The following BICRAL variants were observed in gnomAD, a reference collection of about 807,000 sequenced individuals.
BICRAL encodes the protein BICRA like chromatin remodeling complex associated protein.
In BICRAL, 8 loss-of-function variants were observed where a neutral mutation model predicts 91.8. The observed-to-expected ratio is 0.09, with a 90% CI of 0.05 to 0.16. The LOEUF (loss-of-function observed/expected upper bound fraction) is 0.16, where lower values mean the gene tolerates loss of function less well. Among genes scored for constraint, BICRAL ranks in the 10% least tolerant of loss-of-function variants. The pLI, the probability that BICRAL is intolerant of heterozygous loss-of-function variation, is 1.00. For synonymous variants in BICRAL, 445 were observed against 491.1 expected, an observed-to-expected ratio of 0.91 and a Z score of 1.24; for missense variants, 1,038 against 1,310.9, an observed-to-expected ratio of 0.79 and a Z score of 3.21.
chr6:42,848,714 C>T (rs1765093395), intron 6 of BICRAL, among the ~76,000 whole-genome samples: 1 of 152,160 alleles, frequency 6.6e-6, no homozygotes, highest in South Asian at 2.1e-4. Flanking sequence ...CTTGGTGGCA[C>T]ACACCTGTAG....
chr6:42,770,590 A>G (rs1762704107), intron 1 of BICRAL, among the ~76,000 whole-genome samples: 1 of 150,968 alleles, frequency 6.6e-6, no homozygotes, highest in Non-Finnish European at 1.5e-5. Context: ...AATTTTTTGT[A>G]TTTTTAGTAC....
chr6:42,759,002 C>T (rs1389557440), intron 1 of BICRAL, among the ~76,000 whole-genome samples: 1 of 152,212 alleles, frequency 6.6e-6, no homozygotes, highest in African/African-American at 2.4e-5. Flanking sequence ...TGTTCTCAAC[C>T]CTAGCTGCTC....
intron 6 of BICRAL, among the ~76,000 whole-genome samples, chr6:42,850,912 T>A (rs1027031745): frequency 2.0e-5 from 3 of 151,424 alleles, no homozygotes. Flanking sequence ...CTTTATTGGC[T>A]GGGTGTGGTG....
chr6:42,746,733 A>G (rs1170729786), upstream of BICRAL, among the ~76,000 whole-genome samples: 1 of 143,144 alleles, frequency 7.0e-6, no homozygotes, highest in Non-Finnish European at 1.5e-5. Flanking sequence ...CCCCCTATCC[A>G]CTGCAGTTCG....
intron 2 of BICRAL, among the ~76,000 whole-genome samples, chr6:42,812,025 T>C (rs778647932): frequency 6.6e-6 from 1 of 152,044 alleles, no homozygotes; most frequent in African/African-American, 2.4e-5. Context: ...CTCAAAAATA[T>C]CCAACACCTG....
At position 42,793,122 on chromosome 6, in the gene BICRAL, A is replaced by ATTTTT. The variant is rs1159342197; in HGVS notation, c.-102+11056_-102+11060dup. On this transcript the variant is annotated intron_variant, in intron 1 of 12. Coordinates refer to ENST00000314073, the MANE Select transcript of BICRAL (RefSeq NM_001393499.1). Reference sequence around the variant, plus strand: ...AAGCGCATGCCACCATGCCCAGCTAATTTTTTTTTTTTTTTTTTTTTTTTT... The same window carrying ATTTTT: ...AAGCGCATGCCACCATGCCCAGCTAATTTTTTTTTTTTTTTTTTTTTTTTTTTTTT... Among the ~76,000 whole-genome samples the ATTTTT allele has an allele frequency of 2.2e-3, 82 of 37,254 alleles. 28 individuals are homozygous for ATTTTT. Among genetic ancestry groups the ATTTTT allele is most frequent in the Non-Finnish European group, 2.4e-3 (50 of 20,498 alleles). The allele number at this position is 37,254 out of a possible 152,430, so 24.4% of individuals were successfully genotyped here. A position where few individuals can be genotyped will look rare whatever the true frequency, so the allele number is the denominator to read the frequency against.
intron 5 of BICRAL, among the ~76,000 whole-genome samples, chr6:42,826,780 C>T (rs1161509862): frequency 6.6e-6 from 1 of 150,840 alleles, no homozygotes; most frequent in East Asian, 1.9e-4. Context: ...GGTCAATTTC[C>T]TCTTGTTTGT....
rs1373296414 is a variant in BICRAL, at chr6:42,766,629, A to T, written c.-260-15210A>T. Among the ~76,000 whole-genome samples, 5 of 152,096 alleles carry T rather than the reference A, an allele frequency of 3.3e-5. 1 individual carries two copies. The East Asian group carries it at 9.6e-4, about 29-fold the overall frequency. On this transcript the variant is annotated intron_variant, in intron 1 of 14. Coordinates refer to the BICRAL transcript ENST00000614467. Reference sequence around the variant, plus strand: ...CCGAGCGGGTGGATCACTTGAGGTTAGCAGTTTGAGACCAGCCTGGCCAAC... The same window carrying T: ...CCGAGCGGGTGGATCACTTGAGGTTTGCAGTTTGAGACCAGCCTGGCCAAC...
chr6:42,830,126 T>C lies in BICRAL; in HGVS notation c.1793T>C (p.Phe598Ser), dbSNP rs899315164. Residue 598 changes from phenylalanine to serine, a missense_variant, in exon 6 of 13, where the codon TTC becomes TCC. Phe to Ser is a radical substitution (Grantham distance 155). Transcript: ENST00000314073. ...PVSSSKSTST[F>S]SNTPGTGTQQ... ...TCTTCTTCCAAGTCTACCAGCACCT[T>C]CAGTAACACACCTGGAACAGGAACC... 42 of 1,613,920 alleles carry C rather than the reference T, an allele frequency of 2.6e-5. No individual in the cohort carries two copies. The highest frequency in any genetic ancestry group is 3.4e-5 in the Non-Finnish European group (40 of 1,179,924).
Position 42,822,776 on chromosome 6 carries a change from T to C in BICRAL, c.42-20T>C, listed in dbSNP as rs1309955663. Reference sequence around the variant, plus strand: ...TATATTTGTTTGTTGTTTTATCTCTTTTTTTCCTCTCTTTTCTAGAGACCC... The same window carrying C: ...TATATTTGTTTGTTGTTTTATCTCTCTTTTTCCTCTCTTTTCTAGAGACCC... On this transcript the variant is annotated intron_variant, in intron 3 of 12. Coordinates refer to ENST00000314073, the MANE Select transcript of BICRAL (RefSeq NM_001393499.1). 5 of 1,443,100 alleles carry C rather than the reference T, an allele frequency of 3.5e-6. No homozygotes were observed. In the African/African-American group the frequency reaches 7.0e-5, roughly 20 times the overall value. 89.4% of individuals were successfully genotyped at this position (1,443,100 alleles called of 1,614,324 possible).
At chr6:42,852,020 G>T in intron 6 of BICRAL, 72 bp from the exon 7 acceptor site, 1 of 915,554 alleles carries the variant, frequency 1.1e-6, no homozygotes, top group Non-Finnish European at 1.7e-6. Context: ...AAGAGGCTTG[G>T]TTGGTATTTA....
At chr6:42,802,817 A>G (rs1436474001) in intron 1 of BICRAL, among the ~76,000 whole-genome samples, 2 of 151,812 alleles carry the variant, frequency 1.3e-5, no homozygotes, top group Non-Finnish European at 2.9e-5. Flanking sequence ...ATGCACATAA[A>G]CAGTCCTCCG....
At chr6:42,860,159 T>C in intron 10 of BICRAL, 103 bp from the exon 11 acceptor site, 1 of 702,610 alleles carries the variant, frequency 1.4e-6, no homozygotes, top group Non-Finnish European at 2.5e-6. Context: ...AGATAAGCCA[T>C]GTTTGAATAA....
chr6:42,856,402 T>C (rs1765355194), intron 9 of BICRAL, among the ~76,000 whole-genome samples: 1 of 120,434 alleles, frequency 8.3e-6, no homozygotes, highest in South Asian at 3.0e-4. Flanking sequence ...TGAGACAGAG[T>C]CTTGCTCTGT....
At chr6:42,797,086 G>C (rs1383398283) in intron 1 of BICRAL, among the ~76,000 whole-genome samples, 1 of 149,676 alleles carries the variant, frequency 6.7e-6, no homozygotes, top group East Asian at 2.0e-4. Context: ...GTTACATGTA[G>C]GAAATGGAAT....
chr6:42,753,541 A>G (rs922996105), intron 1 of BICRAL, among the ~76,000 whole-genome samples: 1 of 152,178 alleles, frequency 6.6e-6, no homozygotes, highest in Non-Finnish European at 1.5e-5. Flanking sequence ...AGGAAATGGT[A>G]CTTAAAACAC....
At chr6:42,811,461 A>C (rs1763841438) in intron 2 of BICRAL, among the ~76,000 whole-genome samples, 1 of 152,148 alleles carries the variant, frequency 6.6e-6, no homozygotes, top group African/African-American at 2.4e-5. Flanking sequence ...TCCCTACTAA[A>C]AATACAAAAA....
At chr6:42,801,725 T>C (rs926877387) in intron 1 of BICRAL, among the ~76,000 whole-genome samples, 3 of 151,448 alleles carry the variant, frequency 2.0e-5, no homozygotes, top group Admixed American at 2.0e-4. Flanking sequence ...CTACTAAACA[T>C]ACAAAAATTA....
At chr6:42,782,228 G>A (rs1374294165) in intron 1 of BICRAL, 127 bp downstream of exon 1, 4 of 149,622 alleles carry the variant, frequency 2.7e-5, no homozygotes, top group African/African-American at 7.3e-5. Context: ...GGGGGCTGGA[G>A]ATCTGTCTCC....
Sources: gnomAD v4.1 joint callset for allele counts (sites outside exome capture counted in the v4.1 genomes callset) on GRCh38, gnomAD v4.1.1 for gene constraint, MANE v1.5 for transcripts, NCBI Gene and HGNC (gene_info 2026-07-23, HGNC 2026-07-21) for gene names.